Variants in PRRC2A observed in about 807,000 individuals in gnomAD.
The protein encoded by PRRC2A is proline rich coiled-coil 2A.
Under a neutral mutation model 224.6 loss-of-function variants are expected in PRRC2A, and 59 were observed. That is an observed-to-expected ratio of 0.26 (90% confidence interval 0.21 to 0.33). PRRC2A has a LOEUF of 0.33. PRRC2A is among the 10% of genes least tolerant of loss of function. The pLI is 1.00. For missense variants in PRRC2A, 3,095 were observed against 2,880.7 expected, an observed-to-expected ratio of 1.07 and a Z score of -1.70; for synonymous variants, 1,194 against 1,109.5, an observed-to-expected ratio of 1.08 and a Z score of -1.51.
chr6:31,624,678 C>T (rs916050558), intron 5 of PRRC2A, among the ~76,000 whole-genome samples, 156 bp downstream of exon 5: 7 of 152,226 alleles, frequency 4.6e-5, no homozygotes, highest in African/African-American at 1.7e-4. Flanking sequence ...GTTTAAGTCT[C>T]AGTCTTATAT....
chr6:31,635,537 T>A, intron 23 of PRRC2A, 45 bp from the exon 24 acceptor site: 1 of 1,611,198 alleles, frequency 6.2e-7, no homozygotes, highest in Non-Finnish European at 8.5e-7. Context: ...GACCAGGGCG[T>A]CCAGGATGCC....
intron 1 of PRRC2A, among the ~76,000 whole-genome samples, chr6:31,621,259 T>C (rs1465022773): frequency 6.6e-6 from 1 of 151,824 alleles, no homozygotes; most frequent in Non-Finnish European, 1.5e-5. Flanking sequence ...TTTTCCTCCA[T>C]ATTGGACCCC....
Position 31,625,653 on chromosome 6 carries a change from C to T in PRRC2A, c.759+42C>T. On this transcript the variant is annotated intron_variant, in intron 7 of 30. Transcript: ENST00000376033. The surrounding 1 kb of genome is among the most constrained non-coding windows in gnomAD (Gnocchi z 4.1). ...TGTCTTGGAACGATTACACTGGAAG[C>T]TGGAGAGCTAGGAATCAGGACTTAG... 1 of 1,605,574 alleles carries T rather than the reference C, an allele frequency of 6.2e-7. No homozygotes were observed. The highest frequency in any genetic ancestry group is 1.1e-5 in the South Asian group (1 of 90,194).
chr6:31,624,899 A>C, intron 5 of PRRC2A: 1 of 527,650 alleles, frequency 1.9e-6, no homozygotes. Flanking sequence ...CCTGGGTTCA[A>C]GCGATTTTCC....
intron 20 of PRRC2A, 75 bp from the exon 21 acceptor site, chr6:31,634,678 T>C (rs970972421): frequency 4.0e-5 from 62 of 1,564,086 alleles, no homozygotes; most frequent in Non-Finnish European, 5.0e-5. Flanking sequence ...TTTCTGCAGT[T>C]TGTATGTGTG....
intron 12 of PRRC2A, chr6:31,628,679 A>G (rs1776189909): frequency 1.8e-5 from 4 of 216,354 alleles, no homozygotes; most frequent in African/African-American, 9.3e-5. Flanking sequence ...CGTCTCTACT[A>G]AAAATACAAA....
At chr6:31,623,561 A>G (rs1296801063) in intron 2 of PRRC2A, among the ~76,000 whole-genome samples, 171 bp from the exon 3 acceptor site, 1 of 152,126 alleles carries the variant, frequency 6.6e-6, no homozygotes, top group Non-Finnish European at 1.5e-5. Flanking sequence ...AGCCACCACA[A>G]TCAGCGCGAT....
Position 31,636,171 on chromosome 6 carries a change from G to C in PRRC2A, c.5625-38G>C, listed in dbSNP as rs1324179635. ...GACTTAAGGCATTGCTAGGACTCTG[G>C]CTTCCTAACAGCTTTTCTCCCCACA... On this transcript the variant is annotated intron_variant, in intron 25 of 30. Coordinates refer to ENST00000376033, the MANE Select transcript of PRRC2A (RefSeq NM_004638.4). This position sits in a 1 kb window ranked among gnomAD's most constrained non-coding sequence, Gnocchi z 4.3. The C allele has an allele frequency of 6.3e-7, 1 of 1,592,896 alleles. No homozygotes were observed. The highest frequency in any genetic ancestry group is 1.3e-5 in the African/African-American group (1 of 74,414).
Position 31,627,239 on chromosome 6 carries a change from G to A in PRRC2A, c.1290+41G>A. ...AAGGGATTGAGAGGGTCAGCTGTGG[G>A]AAATTGGTGTCAGCTGAGTAATTGA... is the stretch of plus-strand genomic sequence containing the variant. On this transcript the variant is annotated intron_variant, in intron 11 of 30. Coordinates refer to ENST00000376033, the MANE Select transcript of PRRC2A (RefSeq NM_004638.4). The surrounding 1 kb of genome is among the most constrained non-coding windows in gnomAD (Gnocchi z 5.6). 7.1e-7 allele frequency: 1 copy of A among 1,401,546 alleles called. No individual in the cohort carries two copies. The highest frequency in any genetic ancestry group is 1.4e-5 in the African/African-American group (1 of 69,626). 86.8% of individuals were successfully genotyped at this position (1,401,546 alleles called of 1,614,324 possible).
Position 31,634,363 on chromosome 6 carries a change from C to G in PRRC2A, c.4847C>G (p.Thr1616Ser). The G allele has an allele frequency of 6.2e-7, 1 of 1,612,838 alleles. No homozygotes were observed. The highest frequency in any genetic ancestry group is 8.5e-7 in the Non-Finnish European group (1 of 1,179,934). The part of the protein sequence containing the change: ...LTPHIWNRLH[T>S]ATSRKSYRPS... Reference sequence around the variant, plus strand: ...CCTCACATCTGGAACCGTTTACATACTGGTGAGTAAAGCTGAGTGAAAGGA... The same window carrying G: ...CCTCACATCTGGAACCGTTTACATAGTGGTGAGTAAAGCTGAGTGAAAGGA... The change falls in exon 19 of 31, where the codon ACT (threonine) becomes AGT (serine). Residue 1616 changes from threonine to serine, a missense_variant and splice_region_variant. Physicochemically the swap from Thr to Ser is moderately conservative, Grantham distance 58. Around this residue, in one of 8 missense-constraint regions of PRRC2A, gnomAD observed 2,001 missense variants for 1,764.9 expected, o/e 1.13. Transcript: ENST00000376033.
Position 31,636,758 on chromosome 6 carries a change from A to T in PRRC2A, c.5960A>T (p.Gln1987Leu). 3 of 1,606,926 alleles carry T rather than the reference A, an allele frequency of 1.9e-6. No individual in the cohort carries two copies. The highest frequency in any genetic ancestry group is 1.1e-5 in the South Asian group (1 of 91,084). The change falls in exon 28 of 31, where the codon CAG (glutamine) becomes CTG (leucine). Residue 1987 changes from glutamine (Q) to leucine (L), a missense_variant. This residue lies in a region of PRRC2A where 662 missense variants were observed against 609.5 expected (regional missense o/e 1.09). Transcript: ENST00000376033. This position sits in a 1 kb window ranked among gnomAD's most constrained non-coding sequence, Gnocchi z 4.3. Reference protein sequence around the residue: ...QQMLLPMVDSQLPVVNFGSLP... With the variant: ...QQMLLPMVDSLLPVVNFGSLP... ...ATGCTTCTACCCATGGTAGACTCAC[A>T]GCTGCCTGTGGTGAACTTTGGCTCC...
At position 31,625,461 on chromosome 6, in the gene PRRC2A, T is replaced by G. The variant is rs1200860981; in HGVS notation, c.609T>G (p.Asn203Lys). The stretch of plus-strand genomic sequence containing the variant: ...CTCTCTACCTTTTCCAAAATACAGA[T>G]TCTACAACTTGGAGGGACGGAGGTG... ...SGPGPSLRPQ[N>K]STTWRDGGGR... Residue 203 changes from asparagine (N) to lysine (K), a missense_variant and splice_region_variant, in exon 7 of 31, where the codon AAT (asparagine) becomes AAG (lysine). By Grantham distance (94) the Asn-to-Lys change is moderately conservative. This residue lies in a region of PRRC2A where 287 missense variants were observed against 275.3 expected (regional missense o/e 1.04). Transcript: ENST00000376033. The surrounding 1 kb of genome is among the most constrained non-coding windows in gnomAD (Gnocchi z 4.1). 2 of 1,598,860 alleles carry G rather than the reference T, an allele frequency of 1.3e-6. No individual in the cohort carries two copies. The highest frequency in any genetic ancestry group is 2.2e-5 in the South Asian group (2 of 89,956).
intron 14 of PRRC2A, 103 bp from the exon 15 acceptor site, chr6:31,630,488 C>G: frequency 8.5e-7 from 1 of 1,175,826 alleles, no homozygotes; most frequent in Non-Finnish European, 1.2e-6. Context: ...CTACTGGGAA[C>G]AAGAGATGGA....
rs979927800 is a variant in PRRC2A at position 31,626,150 on chromosome 6, G to C, written c.970G>C (p.Asp324His). 2 of 1,612,648 alleles carry C rather than the reference G, an allele frequency of 1.2e-6. No homozygotes were observed. The highest frequency in any genetic ancestry group is 1.7e-6 in the Non-Finnish European group (2 of 1,179,824). The change falls in exon 9 of 31, where the codon GAT (aspartate) becomes CAT (histidine). Residue 324 changes from aspartate to histidine, a missense_variant. By Grantham distance (81) the Asp-to-His change is moderately conservative. Coordinates refer to ENST00000376033, the MANE Select transcript of PRRC2A (RefSeq NM_004638.4). The stretch of plus-strand genomic sequence containing the variant: ...TGATCAGTTGGATCAGGAGAATGAT[G>C]ATGGTTGGGCAGGTAAGTGGATATT... Reference protein sequence around the residue: ...EFDQLDQENDDGWAGAHEEVD... With the variant: ...EFDQLDQENDHGWAGAHEEVD...
Position 31,634,962 on chromosome 6 carries a change from C to T in PRRC2A, c.5145C>T (p.His1715=), listed in dbSNP as rs766659863. ...CTAGGAGACCACCACCTGCCCCCCA[C>T]GATGGGGACAGAAAGGTAAAAGACC... is the stretch of plus-strand genomic sequence containing the variant. ...EPPRRPPPAP[H]DGDRKELPRE... The change falls in exon 21 of 31, where the codon CAC becomes CAT. Residue 1715 remains histidine, a synonymous_variant. Transcript: ENST00000376033. 28 of 1,612,458 alleles carry T rather than the reference C, an allele frequency of 1.7e-5. No homozygotes were observed. The highest frequency in any genetic ancestry group is 4.0e-5 in the African/African-American group (3 of 74,906).
chr6:31,636,370 A>G lies in PRRC2A; in HGVS notation c.5786A>G (p.Tyr1929Cys), dbSNP rs751483609. Residue 1929 changes from tyrosine to cysteine, a missense_variant, in exon 26 of 31, where the codon TAC becomes TGC. Tyr to Cys is a radical substitution (Grantham distance 194). This residue lies in a region of PRRC2A where 662 missense variants were observed against 609.5 expected (regional missense o/e 1.09). Transcript: ENST00000376033. This position sits in a 1 kb window ranked among gnomAD's most constrained non-coding sequence, Gnocchi z 4.3. ...CTCTACCCTCCACCTTCCTTCCTCT[A>G]CTCTCCGGCTTTCTGCCCCAGTCCT... is the stretch of plus-strand genomic sequence containing the variant. Reference protein sequence around the residue: ...GVLYPPPSFLYSPAFCPSPLP... With the variant: ...GVLYPPPSFLCSPAFCPSPLP... 3 of 1,611,274 alleles carry G rather than the reference A, an allele frequency of 1.9e-6. No individual in the cohort carries two copies. The highest frequency in any genetic ancestry group is 2.5e-6 in the Non-Finnish European group (3 of 1,179,590).
chr6:31,629,325 G>A lies in PRRC2A; in HGVS notation c.1947G>A (p.Arg649=), dbSNP rs1451478963. ...YQKSLPPRFQ[R]QQQEQLLKQQ... is the part of the protein sequence containing the mutation. ...AGTCGTTGCCTCCTCGTTTCCAGCG[G>A]CAGCAGCAGGTGAAATCAAGTTGTT... Residue 649 remains arginine, a synonymous_variant, in exon 13 of 31, where the codon CGG becomes CGA. Transcript: ENST00000376033. 1 of 1,562,538 alleles carries A rather than the reference G, an allele frequency of 6.4e-7. No individual in the cohort carries two copies. Among genetic ancestry groups the A allele is most frequent in the African/African-American group, 1.4e-5 (1 of 72,994 alleles).
Position 31,634,828 on chromosome 6 carries a change from T to A in PRRC2A, c.5011T>A (p.Ser1671Thr). 6 of 1,612,838 alleles carry A rather than the reference T, an allele frequency of 3.7e-6. No individual in the cohort carries two copies. The highest frequency in any genetic ancestry group is 5.1e-6 in the Non-Finnish European group (6 of 1,179,974). ...ATCAGGTCCCTGCAGCCAGCGAAGT[T>A]CCCCTGATGGAGGACTCAAGGGGGC... ...VSSGPCSQRS[S>T]PDGGLKGAAE... Residue 1671 changes from serine to threonine, a missense_variant, in exon 21 of 31, where the codon TCC (serine) becomes ACC (threonine). Transcript: ENST00000376033.
intron 15 of PRRC2A, 67 bp downstream of exon 15, chr6:31,630,868 T>A: frequency 6.4e-7 from 1 of 1,556,900 alleles, no homozygotes; most frequent in East Asian, 2.3e-5. Context: ...AGAAAGGTAC[T>A]TTGGGTTAGT....
Sources: allele counts gnomAD v4.1 joint callset (sites outside exome capture counted in the v4.1 genomes callset), GRCh38; gene constraint gnomAD v4.1.1; regional missense constraint gnomAD v4.1.1; non-coding constraint Gnocchi (gnomAD v3.1); transcripts MANE v1.5; gene names NCBI Gene and HGNC (gene_info 2026-07-23, HGNC 2026-07-21).